The following DCP1A variants were observed in gnomAD, a reference collection of about 807,000 sequenced individuals.
DCP1A encodes decapping mRNA 1A, also known as mRNA-decapping enzyme 1A.
Under a neutral mutation model 58.0 loss-of-function variants are expected in DCP1A, and 20 were observed. The observed-to-expected ratio is 0.34, with a 90% CI of 0.24 to 0.50. DCP1A has a LOEUF of 0.50. DCP1A is among the 20% of genes least tolerant of loss of function. DCP1A has a pLI of 0.98. For missense variants in DCP1A, 613 were observed against 712.2 expected (o/e 0.86, Z 1.59); for synonymous variants, 285 against 275.1 (o/e 1.04, Z -0.36).
At position 53,286,258 on chromosome 3, in the gene DCP1A, T is replaced by C. The variant is rs782819403; in HGVS notation, c.*1322A>G. ...TCCTTATGCTAGCTGGTTGAGCCAA[T>C]TGGGTTTTTACCCCATCATTAAATA... On this transcript the variant is annotated 3_prime_UTR_variant, in exon 10 of 10. Transcript: ENST00000610213. 2.0e-5 allele frequency: 3 copies of C among 152,256 alleles called. No individual in the cohort carries two copies. The highest frequency in any genetic ancestry group is 1.9e-4 in the East Asian group (1 of 5,208). The allele number at this position is 152,256 out of a possible 1,614,324, so 9.4% of individuals were successfully genotyped here.
chr3:53,337,785 T>C (rs2089141614), intron 3 of DCP1A, among the ~76,000 whole-genome samples: 1 of 152,216 alleles, frequency 6.6e-6, no homozygotes, highest in Non-Finnish European at 1.5e-5. Flanking sequence ...GCACATGAGC[T>C]CATGCTGAGA....
At chr3:53,319,913 T>C (rs1377391052) in intron 3 of DCP1A, among the ~76,000 whole-genome samples, 2 of 152,034 alleles carry the variant, frequency 1.3e-5, no homozygotes, top group Admixed American at 6.6e-5. Flanking sequence ...GCGGATCACT[T>C]GAGGTCAGGA....
intron 1 of DCP1A, among the ~76,000 whole-genome samples, chr3:53,346,748 G>A (rs1330037791): frequency 6.6e-6 from 1 of 152,138 alleles, no homozygotes; most frequent in African/African-American, 2.4e-5. Flanking sequence ...CACATTTACA[G>A]GGTCTCTCTT....
At chr3:53,333,473 A>G (rs190605232) in intron 3 of DCP1A, among the ~76,000 whole-genome samples, 309 of 152,208 alleles carry the variant, frequency 2.0e-3, no homozygotes, top group African/African-American at 7.1e-3. Flanking sequence ...CCATCATATC[A>G]GGTTTGTTAA....
chr3:53,292,454 G>A lies in DCP1A; in HGVS notation c.998C>T (p.Pro333Leu), dbSNP rs182281123. The change falls in exon 7 of 10, where the codon CCC (proline) becomes CTC (leucine). Residue 333 changes from proline to leucine, a missense_variant. Physicochemically the swap from Pro to Leu is moderately conservative, Grantham distance 98. This residue lies in a region of DCP1A where 498 missense variants were observed against 556.7 expected (regional missense o/e 0.89). Transcript: ENST00000610213. ...CATGGTGCTGTTTCGAGGTAAGCTGGGGGGAACCTGTGCAGTAGGAGCTTC... is the reference window on the plus strand; with the variant it reads ...CATGGTGCTGTTTCGAGGTAAGCTGAGGGGAACCTGTGCAGTAGGAGCTTC... ...PAEAPTAQVP[P>L]SLPRNSTMMQ... 2 of 1,613,970 alleles carry A rather than the reference G, an allele frequency of 1.2e-6. No individual in the cohort carries two copies. The highest frequency in any genetic ancestry group is 2.2e-5 in the East Asian group (1 of 44,878).
intron 3 of DCP1A, among the ~76,000 whole-genome samples, chr3:53,334,721 G>A (rs1376095798): frequency 1.3e-5 from 2 of 152,098 alleles, no homozygotes; most frequent in Non-Finnish European, 2.9e-5. Context: ...GGAGCGTTTG[G>A]CTGTAAGAAA....
chr3:53,329,278 T>G, intron 3 of DCP1A: 1 of 398,104 alleles, frequency 2.5e-6, no homozygotes, highest in Admixed American at 4.4e-5. Flanking sequence ...ACTAAAACTT[T>G]CCATTTGGCA....
chr3:53,338,855 C>A (rs1553692240), intron 3 of DCP1A, among the ~76,000 whole-genome samples: 3 of 112,258 alleles, frequency 2.7e-5, no homozygotes, highest in Admixed American at 1.1e-4. Flanking sequence ...AGCAAGGCTC[C>A]GTCTCAAAAA....
chr3:53,285,932 T>C lies in DCP1A; in HGVS notation c.*1648A>G, dbSNP rs1451363371. 6.6e-6 allele frequency: 1 copy of C among 152,230 alleles called. No homozygotes were observed. Among genetic ancestry groups the C allele is most frequent in the African/African-American group, 2.4e-5 (1 of 41,460 alleles). 9.4% of individuals were successfully genotyped at this position (152,230 alleles called of 1,614,324 possible). A position where few individuals can be genotyped will look rare whatever the true frequency, so the allele number is the denominator to read the frequency against. Reference sequence around the variant, plus strand: ...AAAACAAACTATTCACAATTGAGCATGAAAACTTATAAGCTTCCCTGAATT... The same window carrying C: ...AAAACAAACTATTCACAATTGAGCACGAAAACTTATAAGCTTCCCTGAATT... On this transcript the variant is annotated 3_prime_UTR_variant, in exon 10 of 10. Transcript: ENST00000610213.
chr3:53,313,556 T>C (rs1707711995), intron 4 of DCP1A, among the ~76,000 whole-genome samples: 1 of 152,194 alleles, frequency 6.6e-6, no homozygotes, highest in Non-Finnish European at 1.5e-5. Context: ...CATATTTTAT[T>C]ATTTCCTATA....
chr3:53,333,136 G>A (rs1553691511), intron 3 of DCP1A: 1 of 151,384 alleles, frequency 6.6e-6, no homozygotes, highest in Non-Finnish European at 1.5e-5. Context: ...ACAGCAGCAG[G>A]GTTTTGGTTT....
intron 4 of DCP1A, among the ~76,000 whole-genome samples, chr3:53,314,063 TA>T (rs1178608039): frequency 2.0e-5 from 3 of 152,026 alleles, no homozygotes; most frequent in Admixed American, 6.6e-5. Context: ...TTGTTTTATT[TA>T]TTTTTTTATT....
chr3:53,312,497 T>A, intron 4 of DCP1A, 118 bp from the exon 5 acceptor site: 101 of 462,792 alleles, frequency 2.2e-4, no homozygotes, highest in African/African-American at 1.6e-3. Context: ...ACATTCTTCT[T>A]TTTTTTTTTT....
At chr3:53,315,696 CAT>C (rs1442867748) in intron 4 of DCP1A, among the ~76,000 whole-genome samples, 1 of 149,444 alleles carries the variant, frequency 6.7e-6, no homozygotes, top group African/African-American at 2.5e-5. Flanking sequence ...CATTTTCCTA[CAT>C]AGTTTCTCGT....
chr3:53,342,673 C>G (rs1308001135), intron 2 of DCP1A, among the ~76,000 whole-genome samples: 1 of 152,218 alleles, frequency 6.6e-6, no homozygotes, highest in Non-Finnish European at 1.5e-5. Flanking sequence ...TATCTCATCT[C>G]CTCCAAGCCT....
Position 53,284,512 on chromosome 3 carries a change from G to A in DCP1A, c.*3068C>T, listed in dbSNP as rs1553684847. ...AAGCCTGTGTGTCCCCCTGTAGAGA[G>A]GGGCCCAGCGTGACTTTTTTTTTTT... On this transcript the variant is annotated 3_prime_UTR_variant, in exon 10 of 10. Transcript: ENST00000610213. 1 of 150,514 alleles carries A rather than the reference G, an allele frequency of 6.6e-6. No homozygotes were observed. Among genetic ancestry groups the A allele is most frequent in the Non-Finnish European group, 1.5e-5 (1 of 68,278 alleles). 9.3% of individuals were successfully genotyped at this position (150,514 alleles called of 1,614,324 possible).
chr3:53,292,612 GGCA>G lies in DCP1A; in HGVS notation c.837_839del (p.Ala280del), dbSNP rs782054270. ...TGATTTCAGGCTGGACTGAATGGTG[GGCA>G]GCAGAAGGGACACCCAGGGTTTCTG... is the stretch of plus-strand genomic sequence containing the variant. On this transcript the variant is annotated inframe_deletion, in exon 7 of 10. Coordinates refer to ENST00000610213, the MANE Select transcript of DCP1A (RefSeq NM_018403.7). The G allele has an allele frequency of 8.1e-6, 13 of 1,613,630 alleles. No individual in the cohort carries two copies. Among genetic ancestry groups the G allele is most frequent in the Non-Finnish European group, 1.1e-5 (13 of 1,179,804 alleles).
intron 6 of DCP1A, among the ~76,000 whole-genome samples, chr3:53,295,780 G>C (rs1350824918): frequency 2.0e-5 from 3 of 152,160 alleles, no homozygotes; most frequent in African/African-American, 7.2e-5. Context: ...CGAGGACATT[G>C]TGACAATGAT....
chr3:53,311,342 G>A (rs1393407641), intron 5 of DCP1A, among the ~76,000 whole-genome samples: 3 of 152,218 alleles, frequency 2.0e-5, no homozygotes, highest in African/African-American at 7.2e-5. Context: ...TTCAGCAGTA[G>A]AGAGCTTGTC....
Sources: gnomAD v4.1 joint callset for allele counts (sites outside exome capture counted in the v4.1 genomes callset) on GRCh38, gnomAD v4.1.1 for gene constraint, gnomAD v4.1.1 regional missense constraint, MANE v1.5 for transcripts, NCBI Gene and HGNC (gene_info 2026-07-23, HGNC 2026-07-21) for gene names.